ZNF516: variants seen among roughly 807,000 people sequenced by gnomAD.
The protein encoded by ZNF516 is zinc finger protein 516.
A neutral mutation model predicts 79.7 loss-of-function variants in ZNF516; 19 were observed. The ratio of observed to expected loss-of-function variants is 0.24; its 90% confidence interval spans 0.17 to 0.35. The LOEUF is 0.35. Ranked by LOEUF, ZNF516 falls within the 10% of genes least tolerant of loss-of-function variation. ZNF516 has a pLI of 1.00. For synonymous variants in ZNF516, 877 were observed against 739.5 expected (o/e 1.19, Z -3.02); for missense variants, 1,678 against 1,679.5 (o/e 1.00, Z 0.02).
At chr18:76,398,216 G>A (rs147077270) in intron 3 of ZNF516, among the ~76,000 whole-genome samples, 274 of 152,224 alleles carry the variant, frequency 1.8e-3, no homozygotes, top group African/African-American at 6.2e-3. Context: ...TGGCTTTCAC[G>A]GCTACTCTAC....
At chr18:76,448,490 G>T (rs952455281) in intron 2 of ZNF516, among the ~76,000 whole-genome samples, 2 of 152,180 alleles carry the variant, frequency 1.3e-5, no homozygotes, top group African/African-American at 4.8e-5. Context: ...TGTACCCAGG[G>T]TTAACCCCAC....
At chr18:76,404,598 C>A (rs1270308051) in intron 3 of ZNF516, among the ~76,000 whole-genome samples, 1 of 152,062 alleles carries the variant, frequency 6.6e-6, no homozygotes, top group Non-Finnish European at 1.5e-5. Flanking sequence ...AGCATGTGTG[C>A]ATACTAGTGT....
intron 1 of ZNF516, chr18:76,490,720 G>A (rs894388895): frequency 5.2e-5 from 50 of 963,018 alleles, no homozygotes; most frequent in Non-Finnish European, 6.1e-5. Flanking sequence ...GGCTGACGGG[G>A]GCAATGCCTT....
Position 76,361,686 on chromosome 18 carries a change from C to T in ZNF516, c.*812G>A, listed in dbSNP as rs2074539511. 6.6e-6 allele frequency: 1 copy of T among 152,314 alleles called. No homozygotes were observed. The highest frequency in any genetic ancestry group is 3.4e-3 in the Middle Eastern group (1 of 294). 9.4% of individuals were successfully genotyped at this position (152,314 alleles called of 1,614,324 possible). ...TTTGTAAGCAGTTTGCAGAATGTAG[C>T]CCTGTTACAAAAAGGTCCTGAGAAT... is the stretch of plus-strand genomic sequence containing the variant. On this transcript the variant is annotated 3_prime_UTR_variant, in exon 7 of 7. Transcript: ENST00000443185.
chr18:76,476,859 T>C (rs886981130), intron 1 of ZNF516, among the ~76,000 whole-genome samples: 6 of 152,162 alleles, frequency 3.9e-5, no homozygotes, highest in Non-Finnish European at 5.9e-5. Context: ...CCCAGATGTA[T>C]GCCGGTGCGG....
At chr18:76,462,600 C>T (rs1913191760) in intron 2 of ZNF516, among the ~76,000 whole-genome samples, 1 of 152,184 alleles carries the variant, frequency 6.6e-6, no homozygotes, top group Non-Finnish European at 1.5e-5. Flanking sequence ...GCTGTCTGCC[C>T]AAAAACATCG....
chr18:76,383,768 G>C (rs530266151), intron 3 of ZNF516, among the ~76,000 whole-genome samples: 1 of 152,322 alleles, frequency 6.6e-6, no homozygotes, highest in African/African-American at 2.4e-5. Context: ...TCAGGCCTTG[G>C]TGTACAGAGA....
intron 3 of ZNF516, 71 bp downstream of exon 3, chr18:76,441,174 G>T: frequency 6.5e-7 from 1 of 1,528,390 alleles, no homozygotes. Context: ...TTGAGTATAC[G>T]TTTACCTGGA....
chr18:76,484,435 A>T (rs949797570), intron 1 of ZNF516, among the ~76,000 whole-genome samples: 2 of 152,240 alleles, frequency 1.3e-5, no homozygotes, highest in Admixed American at 6.5e-5. Context: ...CTTCACGGTC[A>T]TTACACCAAG....
intron 3 of ZNF516, among the ~76,000 whole-genome samples, chr18:76,422,904 T>C (rs1371989643): frequency 6.6e-6 from 1 of 152,128 alleles, no homozygotes; most frequent in African/African-American, 2.4e-5. Context: ...AAAGCAAAGA[T>C]AATTTATTTC....
intron 6 of ZNF516, among the ~76,000 whole-genome samples, chr18:76,367,268 A>T (rs776463668): frequency 1.1e-4 from 17 of 152,074 alleles, no homozygotes; most frequent in Non-Finnish European, 2.5e-4. Context: ...CTCCGGCCCC[A>T]TGCCAGCTCA....
At chr18:76,434,834 G>A (rs750132478) in intron 3 of ZNF516, among the ~76,000 whole-genome samples, 8 of 152,224 alleles carry the variant, frequency 5.3e-5, no homozygotes, top group Non-Finnish European at 1.0e-4. Flanking sequence ...CAGCAGCTTC[G>A]GTGGAAATCA....
intron 1 of ZNF516, chr18:76,491,695 T>TGG: frequency 7.6e-6 from 1 of 130,942 alleles, no homozygotes; most frequent in Non-Finnish European, 1.5e-5. Flanking sequence ...GGCAGGTGAG[T>TGG]CCCCCCCCGA....
chr18:76,432,799 G>C (rs1342616410), intron 3 of ZNF516, among the ~76,000 whole-genome samples: 1 of 152,200 alleles, frequency 6.6e-6, no homozygotes, highest in East Asian at 1.9e-4. Flanking sequence ...AGGGTCACTC[G>C]ATGTTAGCAT....
chr18:76,381,898 G>A (rs1023242693), intron 3 of ZNF516, among the ~76,000 whole-genome samples: 5 of 152,222 alleles, frequency 3.3e-5, no homozygotes, highest in African/African-American at 7.2e-5. Flanking sequence ...ATGGGGGGCC[G>A]AGGCGGGTGG....
intron 3 of ZNF516, among the ~76,000 whole-genome samples, chr18:76,422,299 G>C (rs575865544): frequency 6.6e-6 from 1 of 152,304 alleles, no homozygotes; most frequent in African/African-American, 2.4e-5. Flanking sequence ...CCGGTCCCTC[G>C]GCACTCCCTG....
At position 76,457,192 on chromosome 18, in the gene ZNF516, G is replaced by C. The variant is rs192681822; in HGVS notation, c.-158+5836C>G. Among the ~76,000 whole-genome samples, 302 of 152,348 alleles carry C rather than the reference G, an allele frequency of 2.0e-3. 3 individuals are homozygous for C. Among genetic ancestry groups the C allele is most frequent in the African/African-American group, 7.0e-3 (289 of 41,578 alleles). On this transcript the variant is annotated intron_variant, in intron 2 of 6. Coordinates refer to ENST00000443185, the MANE Select transcript of ZNF516 (RefSeq NM_014643.4). ...AGAAAATGATCTACAAATGCTCCTT[G>C]CATGTAAGATTCCTTTCTGGAAAGT...
At chr18:76,372,320 A>G (rs2074721106) in intron 4 of ZNF516, among the ~76,000 whole-genome samples, 1 of 152,246 alleles carries the variant, frequency 6.6e-6, no homozygotes, top group African/African-American at 2.4e-5. Context: ...TGTCTGCACA[A>G]CTTTTCTCTC....
rs147634206 is a variant in ZNF516 at position 76,452,520 on chromosome 18, T to G, written c.-157-9309A>C. On this transcript the variant is annotated intron_variant, in intron 2 of 6. Transcript: ENST00000443185. Reference sequence around the variant, plus strand: ...AGACCACGGGCTGGAGTCATCATGCTATTTATAGCCAAAATGCATATATGA... The same window carrying G: ...AGACCACGGGCTGGAGTCATCATGCGATTTATAGCCAAAATGCATATATGA... Among the ~76,000 whole-genome samples the G allele has an allele frequency of 1.8e-3, 279 of 152,356 alleles. 3 individuals carry two copies. The East Asian group carries it at 0.022, about 12-fold the overall frequency.
Sources: gnomAD v4.1 joint callset for allele counts (sites outside exome capture counted in the v4.1 genomes callset) on GRCh38, gnomAD v4.1.1 for gene constraint, MANE v1.5 for transcripts, NCBI Gene and HGNC (gene_info 2026-07-23, HGNC 2026-07-21) for gene names.